Variants in HEATR4 observed in about 807,000 individuals in gnomAD.
HEATR4 encodes HEAT repeat containing 4.
A neutral mutation model predicts 108.8 loss-of-function variants in HEATR4; 95 were observed. The ratio of observed to expected loss-of-function variants is 0.87; its 90% CI spans 0.74 to 1.04. The LOEUF (loss-of-function observed/expected upper bound fraction) is 1.04, where lower values mean the gene tolerates loss of function less well. Ranked by LOEUF, HEATR4 falls within the 50% of genes least tolerant of loss-of-function variation. The pLI, the probability that HEATR4 is intolerant of heterozygous loss-of-function variation, is 0.00. For missense variants in HEATR4, 1,152 were observed against 1,253.8 expected, an observed-to-expected ratio of 0.92 and a Z score of 1.23; for synonymous variants, 443 against 459.4, an observed-to-expected ratio of 0.96 and a Z score of 0.46.
chr14:73,568,942 C>A, the HEATR4 span: 1 of 454,076 alleles, frequency 2.2e-6, no homozygotes, highest in Middle Eastern at 5.9e-4. Flanking sequence ...TCAAAACTAA[C>A]TCCAGCTCTG....
At chr14:73,499,490 AAAAAC>A (rs1404812664) in intron 12 of HEATR4, among the ~76,000 whole-genome samples, 3 of 152,122 alleles carry the variant, frequency 2.0e-5, no homozygotes, top group Non-Finnish European at 4.4e-5. Context: ...AAAAAAGCAA[AAAAAC>A]AAAACAAAGC....
chr14:73,569,593 C>T, the HEATR4 span: 3 of 1,602,100 alleles, frequency 1.9e-6, no homozygotes, highest in South Asian at 3.3e-5. Flanking sequence ...CGCGCCGACA[C>T]TCTTGGCGAG....
rs1888977408 is a variant in HEATR4 at position 73,538,946 on chromosome 14, G to GTA, written c.-151-8703_-151-8702insTA. Among the ~76,000 whole-genome samples, 2 of 114,862 alleles carry GTA rather than the reference G, an allele frequency of 1.7e-5. 1 individual carries two copies. The highest frequency in any genetic ancestry group is 5.5e-4 in the South Asian group (2 of 3,650). 75.4% of individuals were successfully genotyped at this position (114,862 alleles called of 152,430 possible). On this transcript the variant is annotated intron_variant, in intron 1 of 17. Coordinates refer to ENST00000553558, the MANE Select transcript of HEATR4 (RefSeq NM_001220484.1). ...TCACGCCATTGTACTCCAGCCTGGG[G>GTA]GACAAGAGTGAAACTCCATCTAAAA... is the stretch of plus-strand genomic sequence containing the variant.
chr14:73,504,867 A>G (rs973851267), intron 10 of HEATR4, among the ~76,000 whole-genome samples: 2 of 152,206 alleles, frequency 1.3e-5, no homozygotes, highest in African/African-American at 4.8e-5. Context: ...AATAATGGCA[A>G]AAACGAAGTG....
At chr14:73,574,646 C>T in the HEATR4 span, among the ~76,000 whole-genome samples, 1 of 151,848 alleles carries the variant, frequency 6.6e-6, no homozygotes, top group Non-Finnish European at 1.5e-5. Flanking sequence ...AGAAAAAGAT[C>T]ATGGGAGATA....
Position 73,509,874 on chromosome 14 carries a change from T to A in HEATR4, c.1559-401A>T, listed in dbSNP as rs188493572. Reference sequence around the variant, plus strand: ...TATATATATATATATATATATTTATTTATTTTATATATTTTTTGAGACGGA... The same window carrying A: ...TATATATATATATATATATATTTATATATTTTATATATTTTTTGAGACGGA... On this transcript the variant is annotated intron_variant, in intron 7 of 17. Coordinates refer to ENST00000553558, the MANE Select transcript of HEATR4 (RefSeq NM_001220484.1). Among the ~76,000 whole-genome samples the A allele has an allele frequency of 7.6e-4, 63 of 82,996 alleles. 2 individuals are homozygous for A. Among genetic ancestry groups the A allele is most frequent in the Non-Finnish European group, 1.3e-3 (47 of 35,056 alleles). 54.4% of individuals were successfully genotyped at this position (82,996 alleles called of 152,430 possible).
Position 73,492,743 on chromosome 14 carries a change from G to A in HEATR4, c.2844+323C>T. 1 of 1,613,984 alleles carries A rather than the reference G, an allele frequency of 6.2e-7. No individual in the cohort carries two copies. Among genetic ancestry groups the A allele is most frequent in the Non-Finnish European group, 8.5e-7 (1 of 1,179,898 alleles). ...CTATTACACAGTGGAAAACTCCCGT[G>A]TGTATCATCTGGAAGAACCCAAGTG... On this transcript the variant is annotated intron_variant, in intron 17 of 17. Coordinates refer to ENST00000553558, the MANE Select transcript of HEATR4 (RefSeq NM_001220484.1). The surrounding 1 kb of genome is among the most constrained non-coding windows in gnomAD (Gnocchi z 4.9).
intron 1 of HEATR4, among the ~76,000 whole-genome samples, chr14:73,548,966 G>C (rs1229052045): frequency 9.1e-6 from 1 of 109,406 alleles, no homozygotes; most frequent in African/African-American, 3.0e-5. Flanking sequence ...TTTTTTTCTG[G>C]TGGTGAGGAC....
rs1435148151 is a variant in HEATR4, at chr14:73,538,336, G to A, written c.-151-8092C>T. Among the ~76,000 whole-genome samples the A allele has an allele frequency of 1.7e-5, 2 of 114,352 alleles. 1 individual carries two copies. The highest frequency in any genetic ancestry group is 3.8e-5 in the Non-Finnish European group (2 of 52,586). 75.0% of individuals were successfully genotyped at this position (114,352 alleles called of 152,430 possible). On this transcript the variant is annotated intron_variant, in intron 1 of 17. Coordinates refer to ENST00000553558, the MANE Select transcript of HEATR4 (RefSeq NM_001220484.1). Reference sequence around the variant, plus strand: ...TCAGTTAAAAGACATTGTAAGGGCTGGGCGCGCTGGCTCACGCCTGTAATC... The same window carrying A: ...TCAGTTAAAAGACATTGTAAGGGCTAGGCGCGCTGGCTCACGCCTGTAATC...
the HEATR4 span, chr14:73,593,807 T>A: frequency 5.0e-6 from 8 of 1,613,760 alleles, no homozygotes; most frequent in Admixed American, 5.0e-5. Flanking sequence ...ACGTTGGCTC[T>A]AGCTTATTAT....
the HEATR4 span, among the ~76,000 whole-genome samples, chr14:73,585,278 C>T: frequency 2.6e-5 from 4 of 152,302 alleles, no homozygotes; most frequent in South Asian, 2.1e-4. Flanking sequence ...CACAGGTCAG[C>T]ACCAGGGCTG....
At chr14:73,555,663 T>C (rs1889382382) in intron 1 of HEATR4, among the ~76,000 whole-genome samples, 1 of 115,180 alleles carries the variant, frequency 8.7e-6, no homozygotes, top group African/African-American at 2.8e-5. Context: ...TCCTAAACAG[T>C]TGAAAAATGG....
At chr14:73,620,195 G>A in the HEATR4 span, among the ~76,000 whole-genome samples, 1 of 152,050 alleles carries the variant, frequency 6.6e-6, no homozygotes, top group Admixed American at 6.5e-5. Context: ...GAATACAGGT[G>A]TGAGCAACCA....
intron 11 of HEATR4, among the ~76,000 whole-genome samples, chr14:73,501,461 C>T (rs1886454739): frequency 6.6e-6 from 1 of 151,852 alleles, no homozygotes; most frequent in South Asian, 2.1e-4. Flanking sequence ...TGCTATGTTG[C>T]CCAGGCTGGT....
chr14:73,528,687 T>C (rs767452658), intron 2 of HEATR4, among the ~76,000 whole-genome samples: 2 of 152,206 alleles, frequency 1.3e-5, no homozygotes, highest in African/African-American at 2.4e-5. Context: ...TAATTTAGTG[T>C]TGATTGATAT....
the HEATR4 span, among the ~76,000 whole-genome samples, chr14:73,577,483 G>A: frequency 7.2e-6 from 1 of 139,012 alleles, no homozygotes; most frequent in Non-Finnish European, 1.5e-5. Flanking sequence ...GTTGCTCATA[G>A]CTGGCCTGGC....
intron 12 of HEATR4, among the ~76,000 whole-genome samples, chr14:73,499,954 G>C (rs900775726): frequency 6.6e-6 from 1 of 152,210 alleles, no homozygotes; most frequent in African/African-American, 2.4e-5. Context: ...TTTATGCCAG[G>C]CGCGGTGGCT....
At chr14:73,513,986 C>A in intron 6 of HEATR4, 45 bp downstream of exon 6, 1 of 1,562,794 alleles carries the variant, frequency 6.4e-7, no homozygotes, top group Non-Finnish European at 8.8e-7. Context: ...AGATGAGAAC[C>A]ACTTCTCACA....
the HEATR4 span, among the ~76,000 whole-genome samples, chr14:73,571,858 G>C: frequency 6.6e-6 from 1 of 152,054 alleles, no homozygotes; most frequent in Non-Finnish European, 1.5e-5. Flanking sequence ...CTGTCAAATG[G>C]AAATTTGAGG....
Sources: gnomAD v4.1 joint callset for allele counts (sites outside exome capture counted in the v4.1 genomes callset) on GRCh38, gnomAD v4.1.1 for gene constraint, Gnocchi (gnomAD v3.1) non-coding constraint, MANE v1.5 for transcripts, NCBI Gene and HGNC (gene_info 2026-07-23, HGNC 2026-07-21) for gene names.